ERAP1: variants seen among roughly 807,000 people sequenced by gnomAD.
ERAP1 encodes the protein adipocyte-derived leucine aminopeptidase.
In ERAP1, 86 loss-of-function variants were observed where a neutral mutation model predicts 103.7. That is an observed-to-expected ratio of 0.83 (90% confidence interval 0.70 to 0.99). The LOEUF is 0.99. ERAP1 is among the 50% of genes least tolerant of loss of function. The probability of loss-of-function intolerance (pLI) is 0.00; values close to 1 mark genes in which losing one functional copy is unlikely to be tolerated. For missense variants in ERAP1, 1,009 were observed against 1,128.4 expected, an observed-to-expected ratio of 0.89 and a Z score of 1.52; for synonymous variants, 398 against 402.4, an observed-to-expected ratio of 0.99 and a Z score of 0.13.
At chr5:96,877,532 A>G in the ERAP1 span, among the ~76,000 whole-genome samples, 1 of 152,234 alleles carries the variant, frequency 6.6e-6, no homozygotes, top group Admixed American at 6.5e-5. Context: ...TGCTGTGCCA[A>G]CTTCTTCACA....
the ERAP1 span, chr5:96,913,187 T>A: frequency 4.3e-6 from 3 of 690,960 alleles, no homozygotes; most frequent in East Asian, 3.0e-5. Context: ...AATTGAAACA[T>A]TAAAAAATTG....
intron 3 of ERAP1, among the ~76,000 whole-genome samples, chr5:96,797,959 T>A (rs1435200883): frequency 6.6e-6 from 1 of 152,204 alleles, no homozygotes. Context: ...TGTCGAGCTG[T>A]TGAGCATATA....
chr5:96,854,543 G>A, the ERAP1 span, among the ~76,000 whole-genome samples: 17 of 152,232 alleles, frequency 1.1e-4, no homozygotes, highest in African/African-American at 3.9e-4. Context: ...GATACCATGT[G>A]TGTCCCCAGA....
At chr5:96,835,099 G>A in the ERAP1 span, among the ~76,000 whole-genome samples, 1 of 152,226 alleles carries the variant, frequency 6.6e-6, no homozygotes, top group Non-Finnish European at 1.5e-5. Context: ...TGGCTGAGAA[G>A]TTTGCTTTCA....
the ERAP1 span, among the ~76,000 whole-genome samples, chr5:96,831,016 T>C: frequency 6.6e-6 from 1 of 152,202 alleles, no homozygotes; most frequent in Admixed American, 6.5e-5. Flanking sequence ...ATTAGTTCCT[T>C]CTCACATTGC....
the ERAP1 span, among the ~76,000 whole-genome samples, chr5:96,815,228 G>A: frequency 6.6e-6 from 1 of 152,124 alleles, no homozygotes; most frequent in Admixed American, 6.5e-5. Flanking sequence ...TCCAGTCCTG[G>A]TGGTAGATTG....
the ERAP1 span, among the ~76,000 whole-genome samples, chr5:96,907,893 A>AT: frequency 2.2e-5 from 3 of 135,866 alleles, no homozygotes; most frequent in Non-Finnish European, 4.8e-5. Flanking sequence ...CAAAAAAAAA[A>AT]AATATATATA....
chr5:96,928,408 T>C, the ERAP1 span, among the ~76,000 whole-genome samples: 1 of 152,190 alleles, frequency 6.6e-6, no homozygotes, highest in African/African-American at 2.4e-5. Flanking sequence ...TAGGGTGGGC[T>C]TCCAATTCAA....
intron 3 of ERAP1, among the ~76,000 whole-genome samples, chr5:96,799,889 C>T (rs571225045): frequency 9.2e-5 from 14 of 152,166 alleles, no homozygotes; most frequent in Admixed American, 4.6e-4. Flanking sequence ...GTGGGAGATC[C>T]GAATCTTGTT....
the ERAP1 span, among the ~76,000 whole-genome samples, chr5:96,904,941 T>C: frequency 6.6e-6 from 1 of 152,204 alleles, no homozygotes; most frequent in Non-Finnish European, 1.5e-5. Context: ...TTTCAGGTAT[T>C]ACCTCTTCAC....
rs61744247 is a variant in ERAP1, at chr5:96,762,275, A to G, written c.*925T>C. On this transcript the variant is annotated 3_prime_UTR_variant, in exon 20 of 20. Transcript: ENST00000296754. ...TAATAAAATTTTTTTCAATAAAAGA[A>G]ATTTGAAGATGCTAAACTTGCTGCT... 1.3e-3 allele frequency: 2,144 copies of G among 1,600,692 alleles called. 24 individuals are homozygous for G. In the African/African-American group the frequency reaches 0.021, roughly 15 times the overall value.
At chr5:96,917,344 C>T in the ERAP1 span, 2 of 818,908 alleles carry the variant, frequency 2.4e-6, no homozygotes, top group Non-Finnish European at 3.8e-6. Context: ...TCGTATTGAA[C>T]TCCTGAGCTC....
chr5:96,837,373 T>A, the ERAP1 span, among the ~76,000 whole-genome samples: 11 of 152,152 alleles, frequency 7.2e-5, no homozygotes, highest in African/African-American at 2.7e-4. Flanking sequence ...ATTAGGTCAG[T>A]AGTTATATGT....
At chr5:96,935,647 G>C in the ERAP1 span, 1 of 154,596 alleles carries the variant, frequency 6.5e-6, no homozygotes, top group East Asian at 1.8e-4. Flanking sequence ...GATTTAATTC[G>C]CAGCGGGGCA....
the ERAP1 span, among the ~76,000 whole-genome samples, chr5:96,854,613 A>G: frequency 1.8e-4 from 28 of 152,346 alleles, no homozygotes; most frequent in East Asian, 2.7e-3. Flanking sequence ...GGAAAAATGC[A>G]TTAATAATAA....
rs2150865900 is a variant in ERAP1, at chr5:96,775,321, T to C, written c.*1075A>G. On this transcript the variant is annotated 3_prime_UTR_variant, in exon 19 of 19. Transcript: ENST00000443439. ...TCCTATTTGCTAATATGAGCAAATA[T>C]TTTGTTTCACAATGTACTATCATTT... is the stretch of plus-strand genomic sequence containing the variant. 2 of 985,504 alleles carry C rather than the reference T, an allele frequency of 2.0e-6. No homozygotes were observed. Among genetic ancestry groups the C allele is most frequent in the African/African-American group, 1.7e-5 (1 of 57,358 alleles). 61.0% of individuals were successfully genotyped at this position (985,504 alleles called of 1,614,324 possible).
At chr5:96,856,349 A>AAAAAAT in the ERAP1 span, among the ~76,000 whole-genome samples, 5 of 8,536 alleles carry the variant, frequency 5.9e-4, no homozygotes, top group Admixed American at 2.6e-3. Context: ...AAAAAAAAAA[A>AAAAAAT]ATATATATAT....
At chr5:96,781,915 A>G (rs1308906952) in intron 15 of ERAP1, 61 bp from the exon 16 acceptor site, 1 of 1,542,578 alleles carries the variant, frequency 6.5e-7, no homozygotes, top group Non-Finnish European at 8.9e-7. Context: ...TAGAGGCATA[A>G]TGGTGACTAA....
rs1181023298 is a variant in ERAP1 at position 96,776,110 on chromosome 5, A to C, written c.*286T>G. 2 of 1,364,782 alleles carry C rather than the reference A, an allele frequency of 1.5e-6. No individual in the cohort carries two copies. Among genetic ancestry groups the C allele is most frequent in the African/African-American group, 2.9e-5 (2 of 68,858 alleles). 84.5% of individuals were successfully genotyped at this position (1,364,782 alleles called of 1,614,324 possible). A position where few individuals can be genotyped will look rare whatever the true frequency, so the allele number is the denominator to read the frequency against. On this transcript the variant is annotated 3_prime_UTR_variant, in exon 19 of 19. Coordinates refer to ENST00000443439, the MANE Select transcript of ERAP1 (RefSeq NM_001040458.3). ...GGGTTTTGGACACGGGTGCTTAAGC[A>C]TAAACTATAAAATGAGAAGAATAAG...
Sources: gnomAD v4.1 joint callset for allele counts (sites outside exome capture counted in the v4.1 genomes callset) on GRCh38, gnomAD v4.1.1 for gene constraint, MANE v1.5 for transcripts, NCBI Gene and HGNC (gene_info 2026-07-23, HGNC 2026-07-21) for gene names.